Variants in CHD4 observed in about 807,000 individuals in gnomAD.
The protein encoded by CHD4 is chromodomain helicase DNA binding protein 4.
Under a neutral mutation model 235.5 loss-of-function variants are expected in CHD4, and 35 were observed. The observed-to-expected ratio is 0.15, with a 90% CI of 0.11 to 0.20. The LOEUF is 0.20. Ranked by LOEUF, CHD4 falls within the 10% of genes least tolerant of loss-of-function variation. CHD4 has a pLI of 1.00. For missense variants in CHD4, 1,329 were observed against 2,432.3 expected, an observed-to-expected ratio of 0.55 and a Z score of 9.54; for synonymous variants, 900 against 850.2, an observed-to-expected ratio of 1.06 and a Z score of -1.02.
At chr12:6,595,124 C>A (rs1222447276) in intron 14 of CHD4, among the ~76,000 whole-genome samples, 1 of 147,812 alleles carries the variant, frequency 6.8e-6, no homozygotes, top group Admixed American at 6.8e-5. Context: ...AATATACCTC[C>A]TTTTTTTTTT....
chr12:6,600,525 G>A lies in CHD4; in HGVS notation c.1063+9C>T. On this transcript the variant is annotated intron_variant, in intron 8 of 39. Transcript: ENST00000544040. ...CATCCCATCACAAATATACAGAAGA[G>A]AAACACACCTTTCTTTTTCTTTTTA... 6.2e-7 allele frequency: 1 copy of A among 1,610,254 alleles called. No individual in the cohort carries two copies. Among genetic ancestry groups the A allele is most frequent in the Non-Finnish European group, 8.5e-7 (1 of 1,179,270 alleles).
At chr12:6,573,313 A>G in intron 37 of CHD4, 44 bp from the exon 38 acceptor site, 1 of 1,464,000 alleles carries the variant, frequency 6.8e-7, no homozygotes, top group Non-Finnish European at 9.0e-7. Flanking sequence ...CTGATAACTC[A>G]CTTTACTCAC....
chr12:6,596,118 C>G lies in CHD4; in HGVS notation c.1912G>C (p.Val638Leu), dbSNP rs746008542. ...TCCCGCCACTTGATCAAGTAGTGGA[C>G]GTGGCCCTTCTTGTCCACACTGCAA... is the stretch of plus-strand genomic sequence containing the variant. The part of the protein sequence containing the change: ...LNHSVDKKGH[V>L]HYLIKWRDLP... The change falls in exon 13 of 40, where the codon GTC (valine) becomes CTC (leucine). Residue 638 changes from valine (V) to leucine (L), a missense_variant. Physicochemically the swap from Val to Leu is conservative, Grantham distance 32. Coordinates refer to ENST00000544040, the MANE Select transcript of CHD4 (RefSeq NM_001273.5). 1 of 1,613,788 alleles carries G rather than the reference C, an allele frequency of 6.2e-7. No homozygotes were observed. Among genetic ancestry groups the G allele is most frequent in the Non-Finnish European group, 8.5e-7 (1 of 1,179,922 alleles).
chr12:6,570,669 T>C lies in CHD4; in HGVS notation c.*7A>G. On this transcript the variant is annotated 3_prime_UTR_variant, in exon 40 of 40. Transcript: ENST00000544040. ...CTCAGCGGTGGAGGTGGTATCAGTC[T>C]GCATCTTCACTGCTGCTGGGCTACC... 3 of 1,614,154 alleles carry C rather than the reference T, an allele frequency of 1.9e-6. No homozygotes were observed. The highest frequency in any genetic ancestry group is 2.5e-6 in the Non-Finnish European group (3 of 1,180,012).
chr12:6,571,102 AG>A (rs1947960500), intron 38 of CHD4, 70 bp from the exon 39 acceptor site: 1 of 1,555,644 alleles, frequency 6.4e-7, no homozygotes, highest in Non-Finnish European at 8.8e-7. Flanking sequence ...CTAGTGGACC[AG>A]CCCCCCATCA....
chr12:6,601,841 A>G, intron 4 of CHD4, 75 bp from the exon 5 acceptor site: 1 of 1,568,804 alleles, frequency 6.4e-7, no homozygotes, highest in Admixed American at 1.7e-5. Flanking sequence ...GTGTGGAAAA[A>G]TCAGAGTAAC....
At chr12:6,581,877 C>A in intron 30 of CHD4, 63 bp from the exon 31 acceptor site, 3 of 1,481,072 alleles carry the variant, frequency 2.0e-6, no homozygotes, top group Non-Finnish European at 2.7e-6. Context: ...TCCTATTGGC[C>A]TTCCAGTCTC....
Position 6,582,869 on chromosome 12 carries a change from G to A in CHD4, c.4215C>T (p.Ala1405=). ...DKDKPLPPLL[A]RVGGNIEVLG... Reference sequence around the variant, plus strand: ...TTACTTCAATATTCCCACCAACACGGGCCAACAGAGGAGGCAATGGCTTAT... The same window carrying A: ...TTACTTCAATATTCCCACCAACACGAGCCAACAGAGGAGGCAATGGCTTAT... Residue 1405 remains alanine (A), a synonymous_variant, in exon 28 of 40, where the codon GCC becomes GCT. Transcript: ENST00000544040. 1 of 1,613,892 alleles carries A rather than the reference G, an allele frequency of 6.2e-7. No individual in the cohort carries two copies. The highest frequency in any genetic ancestry group is 2.2e-5 in the East Asian group (1 of 44,888).
chr12:6,573,267 G>A lies in CHD4; in HGVS notation c.5364C>T (p.Leu1788=), dbSNP rs756282625. The A allele has an allele frequency of 1.1e-5, 17 of 1,560,710 alleles. No homozygotes were observed. The highest frequency in any genetic ancestry group is 1.4e-5 in the Non-Finnish European group (16 of 1,160,382). Reference sequence around the variant, plus strand: ...CCTCAATCACCAGAGCTTGTTCTAAGAGCTGGACAAGGGATAAGAGGAAAC... The same window carrying A: ...CCTCAATCACCAGAGCTTGTTCTAAAAGCTGGACAAGGGATAAGAGGAAAC... The part of the protein sequence containing the change: ...KNKFLARRFK[L]LEQALVIEEQ... Residue 1788 remains leucine, a splice_region_variant and synonymous_variant, in exon 38 of 40, where the codon CTC becomes CTT. Coordinates refer to ENST00000544040, the MANE Select transcript of CHD4 (RefSeq NM_001273.5).
chr12:6,597,167 T>C (rs1242175105), intron 12 of CHD4, among the ~76,000 whole-genome samples: 18 of 148,342 alleles, frequency 1.2e-4, no homozygotes, highest in African/African-American at 4.5e-4. Flanking sequence ...TCCCAGCTAC[T>C]CGGGAGGCTG....
At chr12:6,578,333 T>C in intron 35 of CHD4, 76 bp downstream of exon 35, 1 of 1,542,920 alleles carries the variant, frequency 6.5e-7, no homozygotes, top group East Asian at 2.2e-5. Flanking sequence ...GTAAAGTCCC[T>C]GTACCGTGGT....
chr12:6,599,474 AAC>A (rs1387712763), intron 10 of CHD4, among the ~76,000 whole-genome samples: 1 of 152,168 alleles, frequency 6.6e-6, no homozygotes, highest in Non-Finnish European at 1.5e-5. Context: ...AAAAATTGAA[AAC>A]ATTGTAAGCT....
At chr12:6,600,885 A>G in intron 7 of CHD4, 41 bp downstream of exon 7, 2 of 1,537,236 alleles carry the variant, frequency 1.3e-6, no homozygotes, top group Non-Finnish European at 8.7e-7. Flanking sequence ...CCTTTCTATT[A>G]GACATGGCAC....
chr12:6,597,546 C>A (rs1948521041), intron 12 of CHD4, among the ~76,000 whole-genome samples: 1 of 152,214 alleles, frequency 6.6e-6, no homozygotes, highest in East Asian at 1.9e-4. Context: ...GGCAGATCAC[C>A]TGAGGTCAGG....
rs563783252 is a variant in CHD4, at chr12:6,581,485, G to A, written c.4682-97C>T. The A allele has an allele frequency of 1.8e-5, 27 of 1,515,446 alleles. No individual in the cohort carries two copies. In the East Asian group the frequency reaches 2.5e-4, roughly 14 times the overall value. The allele number at this position is 1,515,446 out of a possible 1,614,324, so 93.9% of individuals were successfully genotyped here. A position where few individuals can be genotyped will look rare whatever the true frequency, so the allele number is the denominator to read the frequency against. On this transcript the variant is annotated intron_variant, in intron 31 of 39. Transcript: ENST00000544040. ...TTGTCTCATCTTAAATTGTCCTCTC[G>A]TGCCTTTAAGAGCCAGCCCTATTCT...
At chr12:6,594,194 C>G (rs890547824) in intron 15 of CHD4, among the ~76,000 whole-genome samples, 5 of 152,138 alleles carry the variant, frequency 3.3e-5, no homozygotes, top group Non-Finnish European at 7.3e-5. Flanking sequence ...AATCATTCCC[C>G]TAGAACTGAT....
chr12:6,598,820 AAAAG>A (rs1159873581), intron 10 of CHD4, among the ~76,000 whole-genome samples: 5 of 152,172 alleles, frequency 3.3e-5, no homozygotes, highest in African/African-American at 1.2e-4. Flanking sequence ...AAAAAATAAA[AAAAG>A]ATCTCATTTC....
intron 34 of CHD4, 59 bp downstream of exon 34, chr12:6,578,787 G>C: frequency 6.5e-7 from 1 of 1,534,498 alleles, no homozygotes; most frequent in Non-Finnish European, 9.0e-7. Context: ...GGCAGATACA[G>C]TCCTTGCTTC....
intron 14 of CHD4, 73 bp downstream of exon 14, chr12:6,595,261 G>T: frequency 7.9e-7 from 1 of 1,264,578 alleles, no homozygotes; most frequent in Non-Finnish European, 1.1e-6. Flanking sequence ...TTACTTAAGA[G>T]TACCATCATT....
Sources: gnomAD v4.1 joint callset for allele counts (sites outside exome capture counted in the v4.1 genomes callset) on GRCh38, gnomAD v4.1.1 for gene constraint, MANE v1.5 for transcripts, NCBI Gene and HGNC (gene_info 2026-07-23, HGNC 2026-07-21) for gene names.